Variants in MYO1D observed in about 807,000 individuals in gnomAD.
MYO1D encodes myosin ID.
In MYO1D, 83 loss-of-function variants were observed where a neutral mutation model predicts 122.0. The observed-to-expected ratio is 0.68, with a 90% CI of 0.57 to 0.82. MYO1D has a LOEUF of 0.82. Among genes scored for constraint, MYO1D ranks in the 40% least tolerant of loss-of-function variants. MYO1D has a pLI of 0.00. For missense variants in MYO1D, 1,157 were observed against 1,269.5 expected (o/e 0.91, Z 1.35); for synonymous variants, 464 against 446.9 (o/e 1.04, Z -0.48).
rs762727397 is a variant in MYO1D at position 32,876,832 on chromosome 17, A to C, written c.41T>G (p.Phe14Cys). Reference protein sequence around the residue: ...QESLEFGKADFVLMDTVSMPE... With the variant: ...QESLEFGKADCVLMDTVSMPE... Reference sequence around the variant, plus strand: ...CATGGAGACGGTGTCCATCAGCACGAAGTCTGCCTTGCCGAATTCCAGGCT... The same window carrying C: ...CATGGAGACGGTGTCCATCAGCACGCAGTCTGCCTTGCCGAATTCCAGGCT... The change falls in exon 1 of 22, where the codon TTC becomes TGC. Residue 14 changes from phenylalanine (F) to cysteine (C), a missense_variant. Coordinates refer to ENST00000318217, the MANE Select transcript of MYO1D (RefSeq NM_015194.3). 1 of 1,523,816 alleles carries C rather than the reference A, an allele frequency of 6.6e-7. No individual in the cohort carries two copies. The highest frequency in any genetic ancestry group is 1.2e-5 in the South Asian group (1 of 80,758). The allele number at this position is 1,523,816 out of a possible 1,614,324, so 94.4% of individuals were successfully genotyped here.
intron 20 of MYO1D, among the ~76,000 whole-genome samples, chr17:32,632,947 A>T (rs1406546573): frequency 2.0e-5 from 3 of 152,088 alleles, no homozygotes; most frequent in Admixed American, 6.6e-5. Flanking sequence ...GAGAAAAATG[A>T]TCTCCCCCGC....
intron 21 of MYO1D, chr17:32,498,027 T>C (rs906332493): frequency 2.0e-5 from 3 of 152,382 alleles, no homozygotes; most frequent in African/African-American, 7.2e-5. Context: ...CCCCTGGGGC[T>C]TGGCGGAGGC....
At chr17:32,720,962 T>C in intron 15 of MYO1D, 61 bp downstream of exon 15, 13 of 1,508,612 alleles carry the variant, frequency 8.6e-6, no homozygotes, top group South Asian at 3.9e-5. Flanking sequence ...GATGCACTAT[T>C]GTACGGGGAG....
intron 21 of MYO1D, among the ~76,000 whole-genome samples, chr17:32,541,625 C>A (rs1482397297): frequency 1.3e-5 from 2 of 152,162 alleles, no homozygotes; most frequent in Admixed American, 1.3e-4. Context: ...TAGAAAGTAT[C>A]TAGAATCAGA....
At chr17:32,612,123 G>GT (rs1254658024) in intron 20 of MYO1D, among the ~76,000 whole-genome samples, 2 of 152,184 alleles carry the variant, frequency 1.3e-5, no homozygotes, top group African/African-American at 4.8e-5. Context: ...GCCAGTTGCT[G>GT]TAAGAAATGT....
In MYO1D at chr17:32,738,358, C is replaced by A; in HGVS notation, c.1641G>T (p.Trp547Cys). 1 of 1,602,010 alleles carries A rather than the reference C, an allele frequency of 6.2e-7. No homozygotes were observed. Among genetic ancestry groups the A allele is most frequent in the East Asian group, 2.3e-5 (1 of 44,386 alleles). ...CTGTAATGCTCAGTTTGCCTTCAGG[C>A]CACATATTCTTGAGCACAGGATTTG... Reference protein sequence around the residue: ...NSSNPVLKNMWPEGKLSITEV... With the variant: ...NSSNPVLKNMCPEGKLSITEV... Residue 547 changes from tryptophan to cysteine, a missense_variant, in exon 14 of 22, where the codon TGG becomes TGT. Transcript: ENST00000318217.
At chr17:32,620,230 T>G (rs1567913220) in intron 20 of MYO1D, among the ~76,000 whole-genome samples, 2 of 152,132 alleles carry the variant, frequency 1.3e-5, no homozygotes, top group Non-Finnish European at 2.9e-5. Flanking sequence ...GGCTCCCCAC[T>G]GAGCCTCCTT....
chr17:32,771,043 C>T lies in MYO1D; in HGVS notation c.714+82G>A. 5 of 1,068,718 alleles carry T rather than the reference C, an allele frequency of 4.7e-6. No individual in the cohort carries two copies. The Admixed American group carries it at 5.7e-5, about 12-fold the overall frequency. The allele number at this position is 1,068,718 out of a possible 1,614,324, so 66.2% of individuals were successfully genotyped here. ...TGTTTATTTGCCTAAAGATAGCAGG[C>T]TTGACCAGATAATTATTGAATGTCT... On this transcript the variant is annotated intron_variant, in intron 6 of 21. Transcript: ENST00000318217.
At position 32,722,330 on chromosome 17, in the gene MYO1D, A is replaced by G. The variant is rs190903053; in HGVS notation, c.1747-1141T>C. Among the ~76,000 whole-genome samples, 375 of 152,286 alleles carry G rather than the reference A, an allele frequency of 2.5e-3. 1 individual carries two copies. The highest frequency in any genetic ancestry group is 6.8e-3 in the South Asian group (33 of 4,830). On this transcript the variant is annotated intron_variant, in intron 14 of 21. Coordinates refer to ENST00000318217, the MANE Select transcript of MYO1D (RefSeq NM_015194.3). ...CAGTTTTATTATCTCACATTTCTGGAGGTCAGAAGTCTGAAATAGGTTTAA... is the reference window on the plus strand; with the variant it reads ...CAGTTTTATTATCTCACATTTCTGGGGGTCAGAAGTCTGAAATAGGTTTAA...
chr17:32,513,466 T>G (rs1489938087), intron 21 of MYO1D, among the ~76,000 whole-genome samples: 1 of 152,166 alleles, frequency 6.6e-6, no homozygotes, highest in Non-Finnish European at 1.5e-5. Flanking sequence ...TGGACAGTGT[T>G]GAGTTTGACT....
intron 14 of MYO1D, among the ~76,000 whole-genome samples, chr17:32,730,404 G>T (rs1165204363): frequency 6.6e-6 from 1 of 151,910 alleles, no homozygotes; most frequent in Non-Finnish European, 1.5e-5. Context: ...ATGCATCTAC[G>T]TATTTACCAA....
At chr17:32,719,351 C>CTTTT (rs371411083) in intron 15 of MYO1D, among the ~76,000 whole-genome samples, 1 of 137,176 alleles carries the variant, frequency 7.3e-6, no homozygotes. Flanking sequence ...TCTCCTTGCC[C>CTTTT]TTTTTTTTTT....
At chr17:32,601,924 T>C (rs2150911021) in intron 21 of MYO1D, among the ~76,000 whole-genome samples, 1 of 152,320 alleles carries the variant, frequency 6.6e-6, no homozygotes, top group Non-Finnish European at 1.5e-5. Context: ...CTGGATTGAA[T>C]AAAGACTGCA....
rs74323956 is a variant in MYO1D, at chr17:32,502,768, A to G, written c.2865-7853T>C. Among the ~76,000 whole-genome samples the G allele has an allele frequency of 7.9e-5, 12 of 152,274 alleles. No individual in the cohort carries two copies. In the East Asian group the frequency reaches 2.3e-3, roughly 29 times the overall value. ...GGTCAGTGACTTCTTTCTTGTTTGA[A>G]CTTCGCCACACTCTGGAAATCCAAC... On this transcript the variant is annotated intron_variant, in intron 21 of 21. Coordinates refer to ENST00000318217, the MANE Select transcript of MYO1D (RefSeq NM_015194.3).
chr17:32,579,073 C>T (rs1445285842), intron 21 of MYO1D, among the ~76,000 whole-genome samples: 1 of 151,998 alleles, frequency 6.6e-6, no homozygotes, highest in Non-Finnish European at 1.5e-5. Flanking sequence ...TTTCTTTTCC[C>T]TTTTTCTTTT....
chr17:32,706,217 G>A (rs773455109), intron 16 of MYO1D, among the ~76,000 whole-genome samples: 4 of 152,028 alleles, frequency 2.6e-5, no homozygotes, highest in Non-Finnish European at 2.9e-5. Flanking sequence ...AGCAATTCTC[G>A]TTCTTCAGCC....
In MYO1D at chr17:32,867,726, G is replaced by A. The variant is rs145735484; in HGVS notation, c.95+9052C>T. Among the ~76,000 whole-genome samples, 361 of 143,442 alleles carry A rather than the reference G, an allele frequency of 2.5e-3. 1 individual carries two copies. The highest frequency in any genetic ancestry group is 8.4e-3 in the African/African-American group (327 of 39,072). The allele number at this position is 143,442 out of a possible 152,430, so 94.1% of individuals were successfully genotyped here. On this transcript the variant is annotated intron_variant, in intron 1 of 21. Coordinates refer to ENST00000318217, the MANE Select transcript of MYO1D (RefSeq NM_015194.3). ...GTAGGAGAACTGCTTGAACCCAGGA[G>A]ATGGAGGTTGCAGTGAGCCGAGAGA...
intron 16 of MYO1D, among the ~76,000 whole-genome samples, chr17:32,659,733 T>A (rs2088533325): frequency 6.6e-6 from 1 of 152,192 alleles, no homozygotes; most frequent in South Asian, 2.1e-4. Flanking sequence ...TTGTGAAACC[T>A]AACTTTACAT....
At chr17:32,815,636 A>C (rs969847871) in intron 1 of MYO1D, among the ~76,000 whole-genome samples, 1 of 152,198 alleles carries the variant, frequency 6.6e-6, no homozygotes, top group African/African-American at 2.4e-5. Flanking sequence ...TTGGCAAAAG[A>C]AACAAACAAG....
Sources: allele counts gnomAD v4.1 joint callset (sites outside exome capture counted in the v4.1 genomes callset), GRCh38; gene constraint gnomAD v4.1.1; transcripts MANE v1.5; gene names NCBI Gene and HGNC (gene_info 2026-07-23, HGNC 2026-07-21).